Variants in PTGDR observed in about 807,000 individuals in gnomAD.
The protein encoded by PTGDR is PGD2 receptor.
A neutral mutation model predicts 17.4 loss-of-function variants in PTGDR; 19 were observed. The ratio of observed to expected loss-of-function variants is 1.09; its 90% CI spans 0.76 to 1.60. The LOEUF is 1.60. Among genes scored for constraint, PTGDR ranks in the 40% most tolerant of loss-of-function variants. PTGDR has a pLI of 0.00. For missense variants in PTGDR, 526 were observed against 481.9 expected (o/e 1.09, Z -0.86); for synonymous variants, 267 against 224.2 (o/e 1.19, Z -1.71).
intron 1 of PTGDR, chr14:52,269,655 C>A: frequency 3.3e-6 from 3 of 896,650 alleles, no homozygotes; most frequent in Non-Finnish European, 3.3e-6. Flanking sequence ...CAGAATGTAG[C>A]CATTTTGGAT....
chr14:52,269,773 G>A (rs1376276876), intron 1 of PTGDR, among the ~76,000 whole-genome samples: 1 of 152,094 alleles, frequency 6.6e-6, no homozygotes, highest in Non-Finnish European at 1.5e-5. Flanking sequence ...GCAGGGGTGG[G>A]AACAGTATGC....
chr14:52,267,727 G>T lies in PTGDR; in HGVS notation c.-88G>T. ...CGCAGCTTCTCCGCCCGAGCCGCGC[G>T]CGGAGCTGCCGGGGGCTCCTTAGCA... On this transcript the variant is annotated 5_prime_UTR_variant, in exon 1 of 2. Transcript: ENST00000306051. The T allele has an allele frequency of 2.1e-6, 3 of 1,441,052 alleles. No homozygotes were observed. Among genetic ancestry groups the T allele is most frequent in the Non-Finnish European group, 1.8e-6 (2 of 1,103,542 alleles). 89.3% of individuals were successfully genotyped at this position (1,441,052 alleles called of 1,614,324 possible).
intron 1 of PTGDR, among the ~76,000 whole-genome samples, chr14:52,271,275 G>A (rs1276578660): frequency 2.6e-5 from 4 of 151,844 alleles, no homozygotes; most frequent in African/African-American, 9.7e-5. Context: ...GTTGCCTGCT[G>A]GACATAAAAA....
intron 1 of PTGDR, among the ~76,000 whole-genome samples, chr14:52,274,337 A>G (rs1159763578): frequency 6.6e-6 from 1 of 152,230 alleles, no homozygotes; most frequent in Non-Finnish European, 1.5e-5. Context: ...GGAGAACTGA[A>G]GAAAGTAAGT....
At chr14:52,273,169 T>C (rs984701647) in intron 1 of PTGDR, among the ~76,000 whole-genome samples, 3 of 152,004 alleles carry the variant, frequency 2.0e-5, no homozygotes, top group Non-Finnish European at 2.9e-5. Flanking sequence ...CCCACCACCA[T>C]GCCCGGCTGA....
At chr14:52,278,818 G>T (rs1410584509), downstream of PTGDR, among the ~76,000 whole-genome samples, 1 of 151,964 alleles carries the variant, frequency 6.6e-6, no homozygotes, top group Non-Finnish European at 1.5e-5. Context: ...CTGTTGTGAA[G>T]GAAGATAAAC....
downstream of PTGDR, among the ~76,000 whole-genome samples, chr14:52,280,167 G>C (rs944630752): frequency 6.6e-6 from 1 of 151,960 alleles, no homozygotes; most frequent in African/African-American, 2.4e-5. Context: ...TAAACACCTG[G>C]GCAAACAAAG....
intron 1 of PTGDR, among the ~76,000 whole-genome samples, chr14:52,273,214 T>C (rs1566483541): frequency 6.6e-6 from 1 of 151,920 alleles, no homozygotes; most frequent in Non-Finnish European, 1.5e-5. Context: ...TGTTTCACCA[T>C]GTTGGCCAGG....
rs201634015 is a variant in PTGDR, at chr14:52,267,969, G to C, written c.155G>C (p.Arg52Pro). 1.2e-5 allele frequency: 20 copies of C among 1,609,290 alleles called. No individual in the cohort carries two copies. Among genetic ancestry groups the C allele is most frequent in the Admixed American group, 3.3e-5 (2 of 59,986 alleles). ...ARSGLGWCSR[R>P]PLRPLPSVFY... ...TCGGGGCTGGGGTGGTGCTCGCGGCGTCCACTGCGCCCGCTGCCCTCGGTC... is the reference window on the plus strand; with the variant it reads ...TCGGGGCTGGGGTGGTGCTCGCGGCCTCCACTGCGCCCGCTGCCCTCGGTC... The change falls in exon 1 of 2, where the codon CGT becomes CCT. Residue 52 changes from arginine to proline, a missense_variant. By Grantham distance (103) the Arg-to-Pro change is moderately radical. Transcript: ENST00000306051.
At position 52,275,008 on chromosome 14, in the gene PTGDR, TTCAG is replaced by T; in HGVS notation, c.*48_*51del. 1 of 1,368,042 alleles carries T rather than the reference TTCAG, an allele frequency of 7.3e-7. No homozygotes were observed. The highest frequency in any genetic ancestry group is 1.0e-6 in the Non-Finnish European group (1 of 992,656). 84.7% of individuals were successfully genotyped at this position (1,368,042 alleles called of 1,614,324 possible). ...GGTAAGCTGAGGAATATGTCACATT[TTCAG>T]TCAAAGAACCATGATTAAAAAAAAA... is the stretch of plus-strand genomic sequence containing the variant. On this transcript the variant is annotated 3_prime_UTR_variant, in exon 2 of 2. Transcript: ENST00000306051.
rs802987 is a variant in PTGDR at position 52,275,651 on chromosome 14, G to A, written c.*687G>A. ...CCACAACCCAAAGAAGCAAAAATTC[G>A]TTTTTATCTTTTGAAATCCAGTTTC... On this transcript the variant is annotated 3_prime_UTR_variant, in exon 2 of 2. Coordinates refer to ENST00000306051, the MANE Select transcript of PTGDR (RefSeq NM_000953.3). 0.67 allele frequency: 102,012 copies of A among 152,072 alleles called. 35,060 individuals are homozygous for A. Among genetic ancestry groups the A allele is most frequent in the Middle Eastern group, 0.85 (250 of 294 alleles). The allele number at this position is 152,072 out of a possible 1,614,324, so 9.4% of individuals were successfully genotyped here. A position where few individuals can be genotyped will look rare whatever the true frequency, so the allele number is the denominator to read the frequency against.
At position 52,268,115 on chromosome 14, in the gene PTGDR, G is replaced by A; in HGVS notation, c.301G>A (p.Asp101Asn). The stretch of plus-strand genomic sequence containing the variant: ...TCTGCGGGTGCTTGCGCCCGCATTG[G>A]ACAACTCGTTGTGCCAAGCCTTCGC... ...RSLRVLAPALDNSLCQAFAFF... is the reference protein window; with the variant it reads ...RSLRVLAPALNNSLCQAFAFF... Residue 101 changes from aspartate to asparagine, a missense_variant, in exon 1 of 2, where the codon GAC becomes AAC. Coordinates refer to ENST00000306051, the MANE Select transcript of PTGDR (RefSeq NM_000953.3). The A allele has an allele frequency of 6.2e-7, 1 of 1,614,098 alleles. No homozygotes were observed. Among genetic ancestry groups the A allele is most frequent in the Non-Finnish European group, 8.5e-7 (1 of 1,180,044 alleles).
In PTGDR at chr14:52,268,616, G is replaced by A. The variant is rs926462022; in HGVS notation, c.802G>A (p.Ala268Thr). ...GGAGCTGGATCACCTCCTGCTGCTG[G>A]CGCTGATGACCGTGCTCTTCACTAT... ...LEELDHLLLL[A>T]LMTVLFTMCS... Residue 268 changes from alanine (A) to threonine (T), a missense_variant, in exon 1 of 2, where the codon GCG becomes ACG. Physicochemically the swap from Ala to Thr is moderately conservative, Grantham distance 58. Coordinates refer to ENST00000306051, the MANE Select transcript of PTGDR (RefSeq NM_000953.3). The A allele has an allele frequency of 2.5e-6, 4 of 1,605,510 alleles. No homozygotes were observed. Among genetic ancestry groups the A allele is most frequent in the Non-Finnish European group, 3.4e-6 (4 of 1,176,558 alleles).
chr14:52,274,984 G>A lies in PTGDR; in HGVS notation c.*20G>A, dbSNP rs770803480. 8 of 1,469,300 alleles carry A rather than the reference G, an allele frequency of 5.4e-6. No homozygotes were observed. The East Asian group carries it at 1.8e-4, about 34-fold the overall frequency. 91.0% of individuals were successfully genotyped at this position (1,469,300 alleles called of 1,614,324 possible). On this transcript the variant is annotated 3_prime_UTR_variant, in exon 2 of 2. Coordinates refer to ENST00000306051, the MANE Select transcript of PTGDR (RefSeq NM_000953.3). ...CTGTGACAGTGTTTTTCACTCTGTG[G>A]TAAGCTGAGGAATATGTCACATTTT...
At chr14:52,270,601 ATG>A (rs1029488976) in intron 1 of PTGDR, among the ~76,000 whole-genome samples, 1 of 152,208 alleles carries the variant, frequency 6.6e-6, no homozygotes, top group Non-Finnish European at 1.5e-5. Flanking sequence ...AATTGTGGAA[ATG>A]TGTTTTCTCC....
rs1310266642 is a variant in PTGDR, at chr14:52,267,875, G to A, written c.61G>A (p.Val21Met). The part of the protein sequence containing the change: ...TTSVEKGNSA[V>M]MGGVLFSTGL... The stretch of plus-strand genomic sequence containing the variant: ...CTCTGTGGAAAAAGGCAACTCGGCG[G>A]TGATGGGCGGGGTGCTCTTCAGCAC... The change falls in exon 1 of 2, where the codon GTG (valine) becomes ATG (methionine). Residue 21 changes from valine (V) to methionine (M), a missense_variant. Val to Met is a conservative substitution (Grantham distance 21, BLOSUM62 1). Transcript: ENST00000306051. 4 of 1,603,732 alleles carry A rather than the reference G, an allele frequency of 2.5e-6. No individual in the cohort carries two copies. The highest frequency in any genetic ancestry group is 2.6e-6 in the Non-Finnish European group (3 of 1,174,402).
chr14:52,274,979 C>G lies in PTGDR; in HGVS notation c.*15C>G. 1.3e-6 allele frequency: 2 copies of G among 1,482,352 alleles called. No homozygotes were observed. Among genetic ancestry groups the G allele is most frequent in the Admixed American group, 1.8e-5 (1 of 54,778 alleles). 91.8% of individuals were successfully genotyped at this position (1,482,352 alleles called of 1,614,324 possible). ...CCAGTCTGTGACAGTGTTTTTCACT[C>G]TGTGGTAAGCTGAGGAATATGTCAC... On this transcript the variant is annotated 3_prime_UTR_variant, in exon 2 of 2. Coordinates refer to ENST00000306051, the MANE Select transcript of PTGDR (RefSeq NM_000953.3).
At chr14:52,273,817 A>G (rs2033367287) in intron 1 of PTGDR, among the ~76,000 whole-genome samples, 1 of 152,212 alleles carries the variant, frequency 6.6e-6, no homozygotes, top group African/African-American at 2.4e-5. Flanking sequence ...CCTAAAATGT[A>G]TTTAGAATTG....
At chr14:52,272,342 A>G (rs993083421) in intron 1 of PTGDR, among the ~76,000 whole-genome samples, 3 of 152,060 alleles carry the variant, frequency 2.0e-5, no homozygotes, top group Middle Eastern at 3.4e-3. Flanking sequence ...GTGGTGACAC[A>G]TGCCTGTAGT....
Sources: gnomAD v4.1 joint callset for allele counts (sites outside exome capture counted in the v4.1 genomes callset) on GRCh38, gnomAD v4.1.1 for gene constraint, MANE v1.5 for transcripts, NCBI Gene and HGNC (gene_info 2026-07-23, HGNC 2026-07-21) for gene names.